SCLT1: variants seen among roughly 807,000 people sequenced by gnomAD.
The protein encoded by SCLT1 is sodium channel-associated protein 1.
SCLT1 carries 78 observed loss-of-function variants against 112.8 expected under a neutral mutation model. The observed-to-expected ratio is 0.69, with a 90% CI of 0.58 to 0.83. The LOEUF is 0.83. Among genes scored for constraint, SCLT1 ranks in the 40% least tolerant of loss-of-function variants. SCLT1 has a pLI of 0.00. For synonymous variants in SCLT1, 257 were observed against 254.7 expected, an observed-to-expected ratio of 1.01 and a Z score of -0.09; for missense variants, 747 against 770.4, an observed-to-expected ratio of 0.97 and a Z score of 0.36.
chr4:128,922,093 G>A (rs538934586), intron 18 of SCLT1, among the ~76,000 whole-genome samples: 8 of 152,154 alleles, frequency 5.3e-5, no homozygotes, highest in African/African-American at 9.6e-5. Flanking sequence ...AAACCACAAT[G>A]AGATACTATC....
intron 2 of SCLT1, among the ~76,000 whole-genome samples, chr4:129,052,293 G>T (rs540734845): frequency 6.6e-6 from 1 of 152,170 alleles, no homozygotes; most frequent in African/African-American, 2.4e-5. Context: ...AGCTTCAGAA[G>T]GAATTGTACC....
intron 2 of SCLT1, among the ~76,000 whole-genome samples, chr4:129,053,313 A>G (rs960769217): frequency 6.6e-6 from 1 of 152,034 alleles, no homozygotes; most frequent in African/African-American, 2.4e-5. Flanking sequence ...CGATCTGTCT[A>G]ATATTGACAG....
chr4:128,902,788 A>T (rs1356851108), intron 18 of SCLT1, among the ~76,000 whole-genome samples: 1 of 152,164 alleles, frequency 6.6e-6, no homozygotes, highest in African/African-American at 2.4e-5. Context: ...TTAATTTTTT[A>T]ACTTTTGACT....
intron 2 of SCLT1, among the ~76,000 whole-genome samples, chr4:129,050,852 T>C (rs2125711135): frequency 6.6e-6 from 1 of 152,354 alleles, no homozygotes; most frequent in African/African-American, 2.4e-5. Flanking sequence ...ACTGGGCTTT[T>C]TATGGTTTTG....
At chr4:128,971,817 T>C (rs1252626772) in intron 9 of SCLT1, 2 of 152,092 alleles carry the variant, frequency 1.3e-5, no homozygotes, top group Non-Finnish European at 2.9e-5. Context: ...GGTCAAGAGA[T>C]TGAGCCCATC....
chr4:128,873,537 A>G (rs1461601332), intron 5 of SCLT1: 2 of 152,568 alleles, frequency 1.3e-5, no homozygotes, highest in Admixed American at 1.3e-4. Flanking sequence ...ATTTGAGTAC[A>G]ATGTTTTGTT....
At chr4:129,036,820 C>A (rs193281482) in intron 5 of SCLT1, 1 of 151,156 alleles carries the variant, frequency 6.6e-6, no homozygotes, top group Non-Finnish European at 1.5e-5. Flanking sequence ...TAAATATAAT[C>A]AAAATAAAAT....
chr4:129,031,572 C>G (rs1268879359), intron 5 of SCLT1, among the ~76,000 whole-genome samples: 2 of 152,084 alleles, frequency 1.3e-5, no homozygotes, highest in Admixed American at 6.5e-5. Flanking sequence ...CCCATCGTAT[C>G]AGCCCAGAAA....
rs1753027357 is a variant in SCLT1 at position 129,093,343 on chromosome 4, A to G, written c.-240T>C. ...AAGATTGCTGGGGACTCCACGTTCA[A>G]CCGAATCCCACGCTGGTGGGAAGAG... On this transcript the variant is annotated 5_prime_UTR_variant, in exon 1 of 21. Transcript: ENST00000281142. 1 of 566,728 alleles carries G rather than the reference A, an allele frequency of 1.8e-6. No individual in the cohort carries two copies. Among genetic ancestry groups the G allele is most frequent in the South Asian group, 2.2e-5 (1 of 45,578 alleles). The allele number at this position is 566,728 out of a possible 1,614,324, so 35.1% of individuals were successfully genotyped here. A position where few individuals can be genotyped will look rare whatever the true frequency, so the allele number is the denominator to read the frequency against.
intron 5 of SCLT1, among the ~76,000 whole-genome samples, chr4:129,015,539 A>C (rs1233347508): frequency 1.3e-5 from 2 of 152,150 alleles, no homozygotes; most frequent in Non-Finnish European, 2.9e-5. Context: ...AAGTCTCCTA[A>C]GAGAGCAAGT....
intron 18 of SCLT1, among the ~76,000 whole-genome samples, chr4:128,897,730 A>G (rs1199111052): frequency 2.0e-5 from 3 of 152,192 alleles, no homozygotes; most frequent in African/African-American, 7.2e-5. Context: ...AGGCTGGCAA[A>G]TTGGATAAAG....
At chr4:129,066,970 C>A (rs996935764) in intron 2 of SCLT1, among the ~76,000 whole-genome samples, 7 of 151,826 alleles carry the variant, frequency 4.6e-5, no homozygotes, top group Admixed American at 6.6e-5. Context: ...TTTATTTCTG[C>A]GATATTTAAT....
At chr4:129,036,225 C>A (rs1267840111) in intron 5 of SCLT1, among the ~76,000 whole-genome samples, 1 of 151,964 alleles carries the variant, frequency 6.6e-6, no homozygotes, top group Non-Finnish European at 1.5e-5. Flanking sequence ...CATTTTTTTA[C>A]ACTTTCCTAT....
intron 17 of SCLT1, among the ~76,000 whole-genome samples, chr4:128,937,821 C>T (rs1480039983): frequency 1.3e-5 from 2 of 152,054 alleles, no homozygotes; most frequent in Non-Finnish European, 2.9e-5. Flanking sequence ...CTTTGGATAC[C>T]CTAGAAGCTT....
chr4:128,949,770 A>G (rs2125999069), intron 14 of SCLT1, among the ~76,000 whole-genome samples: 1 of 151,074 alleles, frequency 6.6e-6, no homozygotes. Context: ...TTGTTAATCC[A>G]GTCTATCATT....
intron 9 of SCLT1, among the ~76,000 whole-genome samples, chr4:128,974,644 T>C (rs1740986473): frequency 6.6e-6 from 1 of 152,202 alleles, no homozygotes; most frequent in Non-Finnish European, 1.5e-5. Flanking sequence ...GTATGCTCTG[T>C]GCAGTCTTGT....
intron 18 of SCLT1, among the ~76,000 whole-genome samples, chr4:128,891,970 T>C (rs937432390): frequency 6.6e-6 from 1 of 152,282 alleles, no homozygotes; most frequent in Non-Finnish European, 1.5e-5. Flanking sequence ...AAGATTCATA[T>C]ACAGTGCTTT....
At chr4:128,936,496 T>C (rs1334269204) in intron 18 of SCLT1, among the ~76,000 whole-genome samples, 159 bp downstream of exon 18, 1 of 152,250 alleles carries the variant, frequency 6.6e-6, no homozygotes, top group African/African-American at 2.4e-5. Context: ...CTTTGGTTTA[T>C]GACATAATAT....
intron 18 of SCLT1, among the ~76,000 whole-genome samples, chr4:128,909,157 T>C (rs1353021796): frequency 6.6e-6 from 1 of 152,248 alleles, no homozygotes. Context: ...TTTTTATCAT[T>C]ATATCTCACC....
Sources: gnomAD v4.1 joint callset for allele counts (sites outside exome capture counted in the v4.1 genomes callset) on GRCh38, gnomAD v4.1.1 for gene constraint, MANE v1.5 for transcripts, NCBI Gene and HGNC (gene_info 2026-07-23, HGNC 2026-07-21) for gene names.